UNC13C: variants seen among roughly 807,000 people sequenced by gnomAD.
UNC13C encodes the protein unc-13 homolog C, also known as protein unc-13 homolog C.
Under a neutral mutation model 245.4 loss-of-function variants are expected in UNC13C, and 174 were observed. The observed-to-expected ratio is 0.71, with a 90% CI of 0.63 to 0.80. UNC13C has a LOEUF of 0.80. Among genes scored for constraint, UNC13C ranks in the 30% least tolerant of loss-of-function variants. The pLI, the probability that UNC13C is intolerant of heterozygous loss-of-function variation, is 0.00. For synonymous variants in UNC13C, 992 were observed against 895.1 expected (o/e 1.11, Z -1.93); for missense variants, 2,829 against 2,602.9 (o/e 1.09, Z -1.89).
chr15:54,101,637 G>A (rs528014038), intron 2 of UNC13C, among the ~76,000 whole-genome samples: 15 of 152,024 alleles, frequency 9.9e-5, no homozygotes, highest in African/African-American at 3.4e-4. Flanking sequence ...CAGGAGTGCA[G>A]TGGCACTATC....
chr15:54,410,389 G>T (rs2040392265), intron 18 of UNC13C, among the ~76,000 whole-genome samples: 1 of 151,674 alleles, frequency 6.6e-6, no homozygotes, highest in African/African-American at 2.4e-5. Flanking sequence ...AATCCCACTT[G>T]TCAATTTTTC....
chr15:54,628,776 T>TAACA (rs1901362086), downstream of UNC13C: 1 of 151,822 alleles, frequency 6.6e-6, no homozygotes, highest in African/African-American at 2.4e-5. Flanking sequence ...AGTCAAAAAA[T>TAACA]AACAGATGCT....
In UNC13C at chr15:54,602,375, CCT is replaced by C. The variant is rs549422318; in HGVS notation, c.6107-19946_6107-19945del. On this transcript the variant is annotated intron_variant, in intron 30 of 32. Coordinates refer to ENST00000260323, the MANE Select transcript of UNC13C (RefSeq NM_001080534.3). ...GTGAGAACAAGAATAGGAAGAAAAT[CCT>C]CTCTCACACATACCTGTGCCCTCCT... is the stretch of plus-strand genomic sequence containing the variant. 1.2e-4 allele frequency among the ~76,000 whole-genome samples: 19 copies of C among 152,264 alleles called. 1 individual carries two copies. The South Asian group carries it at 3.5e-3, about 28-fold the overall frequency.
At chr15:54,609,642 C>G (rs145302385) in intron 30 of UNC13C, among the ~76,000 whole-genome samples, 60 of 152,286 alleles carry the variant, frequency 3.9e-4, no homozygotes, top group African/African-American at 1.4e-3. Context: ...CCAACACCAT[C>G]TGTGTGTATT....
intron 1 of UNC13C, among the ~76,000 whole-genome samples, chr15:54,007,727 G>A (rs913965132): frequency 6.6e-6 from 1 of 152,146 alleles, no homozygotes; most frequent in African/African-American, 2.4e-5. Context: ...ATTTATCTAT[G>A]TAACAAACCT....
At chr15:54,108,056 A>G (rs558994665) in intron 2 of UNC13C, among the ~76,000 whole-genome samples, 5 of 152,346 alleles carry the variant, frequency 3.3e-5, no homozygotes, top group Non-Finnish European at 7.3e-5. Context: ...TCAAGTGTCT[A>G]ACAATATACA....
At position 54,507,181 on chromosome 15, in the gene UNC13C, A is replaced by T; in HGVS notation, c.5366A>T (p.Asp1789Val). Residue 1789 changes from aspartate to valine, a missense_variant, in exon 23 of 33, where the codon GAT (aspartate) becomes GTT (valine). Transcript: ENST00000260323. ...IVSSDFSSHC[D>V]KENVPCILMN... Reference sequence around the variant, plus strand: ...TCAAGTGATTTCAGTTCACATTGTGATAAGGAAAATGTGGTAAGTAAAAAA... The same window carrying T: ...TCAAGTGATTTCAGTTCACATTGTGTTAAGGAAAATGTGGTAAGTAAAAAA... 6.3e-7 allele frequency: 1 copy of T among 1,590,052 alleles called. No individual in the cohort carries two copies. Among genetic ancestry groups the T allele is most frequent in the East Asian group, 2.3e-5 (1 of 44,398 alleles).
Position 54,518,237 on chromosome 15 carries a change from T to C in UNC13C, c.5457+6407T>C, listed in dbSNP as rs933030052. 3.9e-5 allele frequency among the ~76,000 whole-genome samples: 6 copies of C among 152,356 alleles called. 1 individual carries two copies. Among genetic ancestry groups the C allele is most frequent in the Admixed American group, 3.9e-4 (6 of 15,300 alleles). On this transcript the variant is annotated intron_variant, in intron 24 of 32. Coordinates refer to ENST00000260323, the MANE Select transcript of UNC13C (RefSeq NM_001080534.3). ...TACCACATAAAGTTTAGCTAACTGC[T>C]AAGCTTGTGAAATTAAGAAAAGGTG...
intron 30 of UNC13C, among the ~76,000 whole-genome samples, chr15:54,574,552 G>T (rs949918385): frequency 6.6e-6 from 1 of 152,186 alleles, no homozygotes; most frequent in Admixed American, 6.5e-5. Context: ...CAAGGCACAG[G>T]ATGATTAATT....
intron 13 of UNC13C, among the ~76,000 whole-genome samples, chr15:54,311,238 A>C (rs1055621940): frequency 6.6e-5 from 10 of 151,744 alleles, no homozygotes; most frequent in African/African-American, 2.4e-4. Context: ...ATCCCAAGTC[A>C]CTAGTTATTT....
chr15:54,393,669 A>G (rs2040010635), intron 18 of UNC13C, among the ~76,000 whole-genome samples: 2 of 151,940 alleles, frequency 1.3e-5, no homozygotes, highest in South Asian at 4.1e-4. Context: ...TATAATCTAA[A>G]GTTCATGCCT....
intron 13 of UNC13C, chr15:54,321,191 G>T: frequency 3.9e-6 from 2 of 506,464 alleles, no homozygotes; most frequent in South Asian, 1.4e-5. Context: ...AGGTGTTTCT[G>T]AATGACAGCC....
intron 4 of UNC13C, among the ~76,000 whole-genome samples, chr15:54,234,753 T>C (rs2035644319): frequency 6.6e-6 from 1 of 152,208 alleles, no homozygotes; most frequent in South Asian, 2.1e-4. Flanking sequence ...CTTTCCTCTG[T>C]GATACTAACA....
chr15:53,905,008 G>T, the UNC13C span, among the ~76,000 whole-genome samples: 987 of 152,182 alleles, frequency 6.5e-3, 12 homozygotes, highest in African/African-American at 0.023. Context: ...TGGAATTGAG[G>T]CATGCATAGA....
chr15:54,415,010 A>C lies in UNC13C; in HGVS notation c.4876A>C (p.Ile1626Leu). ...TCCTCAAGAGCTGAACATGGGAAAA[A>C]TAAGTGCCGAAATTATGTGGACTCT... Reference protein sequence around the residue: ...QFPQELNMGKISAEIMWTLFA... With the variant: ...QFPQELNMGKLSAEIMWTLFA... The change falls in exon 19 of 33, where the codon ATA (isoleucine) becomes CTA (leucine). Residue 1626 changes from isoleucine (I) to leucine (L), a missense_variant. Physicochemically the swap from Ile to Leu is conservative, Grantham distance 5. Coordinates refer to ENST00000260323, the MANE Select transcript of UNC13C (RefSeq NM_001080534.3). 6.2e-7 allele frequency: 1 copy of C among 1,612,970 alleles called. No individual in the cohort carries two copies. The highest frequency in any genetic ancestry group is 1.3e-5 in the African/African-American group (1 of 75,022).
chr15:54,193,178 A>T (rs940058715), intron 4 of UNC13C, among the ~76,000 whole-genome samples: 5 of 152,154 alleles, frequency 3.3e-5, no homozygotes, highest in Non-Finnish European at 7.4e-5. Context: ...TAAATGAGAA[A>T]CAAGGTGAAA....
In UNC13C at chr15:54,107,457, C is replaced by T. The variant is rs1178235159; in HGVS notation, c.2984-35561C>T. 3.9e-5 allele frequency among the ~76,000 whole-genome samples: 6 copies of T among 152,038 alleles called. No individual in the cohort carries two copies. The South Asian group carries it at 8.3e-4, about 21-fold the overall frequency. On this transcript the variant is annotated intron_variant, in intron 2 of 32. Transcript: ENST00000260323. ...TGCTTGATAAACATAAGGAGGTGCC[C>T]GGCATTGAGTTAGAATATAGAGTCT...
intron 13 of UNC13C, among the ~76,000 whole-genome samples, chr15:54,300,612 G>C (rs756858922): frequency 6.6e-6 from 1 of 152,094 alleles, no homozygotes; most frequent in East Asian, 1.9e-4. Context: ...TTGACAAATA[G>C]TATCAACAGC....
chr15:54,581,034 T>C (rs1199891843), intron 30 of UNC13C, among the ~76,000 whole-genome samples: 5 of 152,190 alleles, frequency 3.3e-5, no homozygotes, highest in Admixed American at 3.3e-4. Flanking sequence ...AAGCTCATGA[T>C]GAAGATAAAA....
Sources: gnomAD v4.1 joint callset for allele counts (sites outside exome capture counted in the v4.1 genomes callset) on GRCh38, gnomAD v4.1.1 for gene constraint, MANE v1.5 for transcripts, NCBI Gene and HGNC (gene_info 2026-07-23, HGNC 2026-07-21) for gene names.